The following NBAS variants were observed in gnomAD, a reference collection of about 807,000 sequenced individuals.
The protein encoded by NBAS is NAG/BC035112 fusion.
Under a neutral mutation model 302.5 loss-of-function variants are expected in NBAS, and 219 were observed. That is an observed-to-expected ratio of 0.72 (90% CI 0.65 to 0.81). The LOEUF (loss-of-function observed/expected upper bound fraction) is 0.81, where lower values mean the gene tolerates loss of function less well. Among genes scored for constraint, NBAS ranks in the 30% least tolerant of loss-of-function variants. The pLI, the probability that NBAS is intolerant of heterozygous loss-of-function variation, is 0.00. For missense variants in NBAS, 2,932 were observed against 2,841.6 expected (o/e 1.03, Z -0.72); for synonymous variants, 1,118 against 1,021.6 (o/e 1.09, Z -1.80).
chr2:14,859,729 C>T, the NBAS span, among the ~76,000 whole-genome samples: 45 of 152,182 alleles, frequency 3.0e-4, 2 homozygotes, highest in South Asian at 8.3e-3. Context: ...AACTATGACA[C>T]TACTGGAAGA....
At chr2:14,817,045 G>T in the NBAS span, among the ~76,000 whole-genome samples, 42 of 152,298 alleles carry the variant, frequency 2.8e-4, no homozygotes, top group Non-Finnish European at 3.8e-4. Context: ...GGAGAGAAGA[G>T]AGGATTTGCT....
chr2:15,067,586 C>T, the NBAS span, among the ~76,000 whole-genome samples: 1 of 151,984 alleles, frequency 6.6e-6, no homozygotes, highest in African/African-American at 2.4e-5. Flanking sequence ...TGCAGAAGGA[C>T]AAGCACTGCA....
the NBAS span, among the ~76,000 whole-genome samples, chr2:14,885,273 G>A: frequency 6.6e-6 from 1 of 152,188 alleles, no homozygotes; most frequent in Non-Finnish European, 1.5e-5. Context: ...AGAGAAATGG[G>A]TGAGTTTGAG....
intron 28 of NBAS, among the ~76,000 whole-genome samples, 197 bp downstream of exon 28, chr2:15,394,030 T>C (rs887323399): frequency 4.6e-5 from 7 of 152,104 alleles, no homozygotes; most frequent in Non-Finnish European, 1.0e-4. Context: ...GGGTACTGGA[T>C]GTGTTTATTA....
chr2:15,278,646 G>C (rs1189583185), intron 42 of NBAS, among the ~76,000 whole-genome samples: 2 of 152,184 alleles, frequency 1.3e-5, no homozygotes, highest in Non-Finnish European at 2.9e-5. Context: ...CACCACTGGG[G>C]AGGATATAAA....
chr2:15,007,833 C>T, the NBAS span, among the ~76,000 whole-genome samples: 1 of 152,214 alleles, frequency 6.6e-6, no homozygotes, highest in African/African-American at 2.4e-5. Flanking sequence ...GTTCAAATCC[C>T]AGCTCCACAA....
At chr2:15,499,864 C>T (rs1661425758) in intron 11 of NBAS, among the ~76,000 whole-genome samples, 2 of 152,188 alleles carry the variant, frequency 1.3e-5, no homozygotes, top group Non-Finnish European at 2.9e-5. Context: ...AGGAAAACCA[C>T]ATGAATTGTT....
At chr2:15,471,339 G>C (rs1283828458) in intron 16 of NBAS, among the ~76,000 whole-genome samples, 1 of 152,018 alleles carries the variant, frequency 6.6e-6, no homozygotes, top group Non-Finnish European at 1.5e-5. Context: ...TATCTTGCTT[G>C]TATTAATGTT....
chr2:14,926,427 G>A, the NBAS span, among the ~76,000 whole-genome samples: 1 of 152,160 alleles, frequency 6.6e-6, no homozygotes, highest in Non-Finnish European at 1.5e-5. Flanking sequence ...CTAACGATTA[G>A]CTGTTAACCT....
At chr2:15,320,943 C>T (rs1293690187) in intron 38 of NBAS, among the ~76,000 whole-genome samples, 1 of 152,140 alleles carries the variant, frequency 6.6e-6, no homozygotes, top group East Asian at 1.9e-4. Flanking sequence ...CCAAGTCAAT[C>T]CTAAGCCAAA....
At chr2:14,793,915 G>A in the NBAS span, among the ~76,000 whole-genome samples, 68,093 of 151,684 alleles carry the variant, frequency 0.45, 15,751 homozygotes, top group African/African-American at 0.55. Context: ...TACGAGTACC[G>A]TGAAAAAAAA....
In NBAS at chr2:15,348,701, A is replaced by G. The variant is rs1673210604; in HGVS notation, c.4179+3291T>C. On this transcript the variant is annotated intron_variant, in intron 35 of 51. Transcript: ENST00000281513. Reference sequence around the variant, plus strand: ...GAAAATCCACTTCCTAATTCATTTTAGGAAAAAAAAAAAAAATCCACTTCC... The same window carrying G: ...GAAAATCCACTTCCTAATTCATTTTGGGAAAAAAAAAAAAAATCCACTTCC... Among the ~76,000 whole-genome samples the G allele has an allele frequency of 2.0e-5, 3 of 151,626 alleles. No individual in the cohort carries two copies. In the South Asian group the frequency reaches 6.2e-4, roughly 32 times the overall value.
chr2:15,531,756 G>A (rs1663225895), intron 9 of NBAS, among the ~76,000 whole-genome samples: 1 of 152,074 alleles, frequency 6.6e-6, no homozygotes, highest in African/African-American at 2.4e-5. Flanking sequence ...GGCTATTCCT[G>A]CTGATAGAAT....
intron 35 of NBAS, among the ~76,000 whole-genome samples, chr2:15,338,037 G>A (rs1672671412): frequency 6.6e-6 from 1 of 152,142 alleles, no homozygotes; most frequent in Non-Finnish European, 1.5e-5. Flanking sequence ...TCAAAGGTTA[G>A]CTTATTAAGC....
intron 23 of NBAS, among the ~76,000 whole-genome samples, chr2:15,420,559 T>C (rs1354833344): frequency 6.6e-6 from 1 of 151,840 alleles, no homozygotes; most frequent in Non-Finnish European, 1.5e-5. Context: ...AGAGAGTAGA[T>C]GCAGTAAAGA....
chr2:14,780,769 A>G, the NBAS span, among the ~76,000 whole-genome samples: 3 of 152,246 alleles, frequency 2.0e-5, no homozygotes, highest in Admixed American at 1.3e-4. Flanking sequence ...CTAAATCTTT[A>G]TCATGCTGCA....
the NBAS span, among the ~76,000 whole-genome samples, chr2:14,877,807 T>C: frequency 6.6e-6 from 1 of 152,308 alleles, no homozygotes; most frequent in Non-Finnish European, 1.5e-5. Flanking sequence ...TTTCTTGGCC[T>C]CCAGCCGCAA....
chr2:15,428,887 T>C (rs150722606), intron 21 of NBAS, among the ~76,000 whole-genome samples: 2,950 of 148,966 alleles, frequency 0.02, 66 homozygotes, highest in East Asian at 0.062. Context: ...ACTAAAAATA[T>C]GAAAAATTAG....
the NBAS span, among the ~76,000 whole-genome samples, chr2:14,912,701 TTTAAAAAAAAAAAA>T: frequency 1.4e-5 from 1 of 73,626 alleles, no homozygotes; most frequent in Non-Finnish European, 2.6e-5. Context: ...TGCATTCATT[TTTAAAAAAAAAAAA>T]AAAAAAAAAA....
Sources: allele counts gnomAD v4.1 joint callset (sites outside exome capture counted in the v4.1 genomes callset), GRCh38; gene constraint gnomAD v4.1.1; transcripts MANE v1.5; gene names NCBI Gene and HGNC (gene_info 2026-07-23, HGNC 2026-07-21).